Variants in DAB1 observed in about 807,000 individuals in gnomAD.
The protein encoded by DAB1 is disabled homolog 1.
In DAB1, 15 loss-of-function variants were observed where a neutral mutation model predicts 64.6. The observed-to-expected ratio is 0.23, with a 90% CI of 0.16 to 0.36. The LOEUF (loss-of-function observed/expected upper bound fraction) is 0.36, where lower values mean the gene tolerates loss of function less well. DAB1 is among the 10% of genes least tolerant of loss of function. The probability of loss-of-function intolerance (pLI) is 1.00; values close to 1 mark genes in which losing one functional copy is unlikely to be tolerated. For missense variants in DAB1, 596 were observed against 706.7 expected (o/e 0.84, Z 1.78); for synonymous variants, 235 against 251.9 (o/e 0.93, Z 0.64).
chr1:58,471,556 T>A (rs536157090), intron 3 of DAB1, among the ~76,000 whole-genome samples: 102 of 152,280 alleles, frequency 6.7e-4, no homozygotes, highest in African/African-American at 2.2e-3. Context: ...ATGGTTTGGA[T>A]CTGTGTCCCC....
chr1:58,153,743 T>C (rs1655072599), intron 4 of DAB1, among the ~76,000 whole-genome samples: 1 of 151,406 alleles, frequency 6.6e-6, no homozygotes, highest in African/African-American at 2.4e-5. Flanking sequence ...ATCTGCTTCT[T>C]ACAGAATAGA....
Position 57,225,821 on chromosome 1 carries a change from G to GT in DAB1, c.67+65142dup, listed in dbSNP as rs573210163. 1.4e-3 allele frequency among the ~76,000 whole-genome samples: 206 copies of GT among 151,868 alleles called. 10 individuals carry two copies. In the South Asian group the frequency reaches 0.041, roughly 30 times the overall value. On this transcript the variant is annotated intron_variant, in intron 2 of 14. Transcript: ENST00000371236. Reference sequence around the variant, plus strand: ...TGGAGGTAGTGATGTTTTTGTTTTTGTTTTTTTTATAAAATGGTTTTTCAG... The same window carrying GT: ...TGGAGGTAGTGATGTTTTTGTTTTTGTTTTTTTTTATAAAATGGTTTTTCAG...
intron 3 of DAB1, among the ~76,000 whole-genome samples, chr1:58,445,441 G>A (rs1450093004): frequency 6.6e-6 from 1 of 152,202 alleles, no homozygotes; most frequent in East Asian, 1.9e-4. Context: ...GCCAGGCACT[G>A]CCCTCTGTCC....
intron 1 of DAB1, among the ~76,000 whole-genome samples, chr1:57,327,889 T>C (rs1192394012): frequency 6.6e-6 from 1 of 152,168 alleles, no homozygotes; most frequent in Non-Finnish European, 1.5e-5. Flanking sequence ...GGAGATATGA[T>C]TGACCTGAAA....
intron 9 of DAB1, among the ~76,000 whole-genome samples, chr1:57,055,412 G>T (rs957425957): frequency 6.6e-6 from 1 of 152,144 alleles, no homozygotes; most frequent in Non-Finnish European, 1.5e-5. Context: ...CCAAGAAAGG[G>T]ATGATAACCA....
At chr1:57,945,715 T>C (rs1645175138) in intron 5 of DAB1, among the ~76,000 whole-genome samples, 1 of 152,182 alleles carries the variant, frequency 6.6e-6, no homozygotes, top group African/African-American at 2.4e-5. Context: ...AGAAGGCATA[T>C]ACATACCTGC....
At chr1:57,415,246 A>AC (rs1553179472) in intron 1 of DAB1, among the ~76,000 whole-genome samples, 1 of 143,234 alleles carries the variant, frequency 7.0e-6, no homozygotes, top group African/African-American at 2.6e-5. Context: ...TACCTCACAC[A>AC]ACACACACAC....
At chr1:58,186,860 G>A (rs1342266676) in intron 4 of DAB1, among the ~76,000 whole-genome samples, 1 of 152,122 alleles carries the variant, frequency 6.6e-6, no homozygotes, top group African/African-American at 2.4e-5. Flanking sequence ...TCATGATCAT[G>A]GCAGAGGACC....
chr1:57,105,941 G>A (rs1205699731), intron 4 of DAB1, among the ~76,000 whole-genome samples: 2 of 152,116 alleles, frequency 1.3e-5, no homozygotes, highest in Admixed American at 6.5e-5. Flanking sequence ...GGAGCTGGGG[G>A]CCCTGAGTCT....
chr1:57,438,761 C>T (rs999474464), intron 7 of DAB1, among the ~76,000 whole-genome samples: 4 of 152,104 alleles, frequency 2.6e-5, no homozygotes, highest in African/African-American at 9.7e-5. Context: ...TCTTAGGGAA[C>T]TATTTCCATC....
intron 7 of DAB1, among the ~76,000 whole-genome samples, chr1:57,429,560 T>C (rs887014699): frequency 2.0e-5 from 3 of 152,212 alleles, no homozygotes; most frequent in South Asian, 4.1e-4. Context: ...AAAAAATCAT[T>C]GTGAAGACCA....
chr1:57,737,110 C>T (rs1647729230), intron 6 of DAB1, among the ~76,000 whole-genome samples: 1 of 152,186 alleles, frequency 6.6e-6, no homozygotes, highest in Admixed American at 6.5e-5. Context: ...GCTGTGGCTT[C>T]CGGTGGAGGC....
chr1:57,585,482 C>A (rs1007694887), intron 7 of DAB1, among the ~76,000 whole-genome samples: 1 of 152,060 alleles, frequency 6.6e-6, no homozygotes, highest in African/African-American at 2.4e-5. Context: ...ACATTGAATT[C>A]ACATTCTTTC....
chr1:57,466,862 C>T (rs535423504), intron 7 of DAB1, among the ~76,000 whole-genome samples: 12 of 152,312 alleles, frequency 7.9e-5, no homozygotes, highest in African/African-American at 2.6e-4. Flanking sequence ...TTCAAGTCAA[C>T]AGCAGGTGCA....
intron 3 of DAB1, among the ~76,000 whole-genome samples, chr1:58,403,685 A>T (rs2100565718): frequency 6.6e-6 from 1 of 152,322 alleles, no homozygotes; most frequent in East Asian, 1.9e-4. Context: ...CGGGGTTGTG[A>T]GGATGAACTA....
chr1:57,601,822 T>G lies in DAB1; in HGVS notation n.625+47770A>C, dbSNP rs376937696. ...AATTAATTCAACAAACACACTATTT[T>G]TGTGTGTGTGTGTGTGTACAAGGCA... On this transcript the variant is annotated intron_variant and non_coding_transcript_variant, in intron 7 of 20. Transcript: ENST00000485760. 8.9e-4 allele frequency among the ~76,000 whole-genome samples: 134 copies of G among 151,344 alleles called. 2 individuals are homozygous for G. Among genetic ancestry groups the G allele is most frequent in the Admixed American group, 4.2e-3 (63 of 15,180 alleles).
At position 57,310,747 on chromosome 1, in the gene DAB1, T is replaced by A. The variant is rs1188403800; in HGVS notation, c.-136-19581A>T. On this transcript the variant is annotated intron_variant, in intron 1 of 14. Transcript: ENST00000371236. ...AGCTTCAAAATGCTACTGTCATTTC[T>A]CTGCAGAACAACCACAAGGGTTTAA... Among the ~76,000 whole-genome samples, 3 of 152,234 alleles carry A rather than the reference T, an allele frequency of 2.0e-5. No homozygotes were observed. The East Asian group carries it at 5.8e-4, about 29-fold the overall frequency.
At chr1:58,457,121 C>G (rs1424546069) in intron 3 of DAB1, among the ~76,000 whole-genome samples, 1 of 152,078 alleles carries the variant, frequency 6.6e-6, no homozygotes, top group Non-Finnish European at 1.5e-5. Flanking sequence ...TCATTTTGCA[C>G]AGTAGAAAAT....
intron 7 of DAB1, among the ~76,000 whole-genome samples, chr1:57,489,504 G>C (rs1011426439): frequency 1.3e-5 from 2 of 152,094 alleles, no homozygotes; most frequent in African/African-American, 4.8e-5. Flanking sequence ...AACCCTCCAG[G>C]CTGACTCCGT....
Sources: gnomAD v4.1 joint callset for allele counts (sites outside exome capture counted in the v4.1 genomes callset) on GRCh38, gnomAD v4.1.1 for gene constraint, MANE v1.5 for transcripts, NCBI Gene and HGNC (gene_info 2026-07-23, HGNC 2026-07-21) for gene names.